The following CCDC171 variants were observed in gnomAD, a reference collection of about 807,000 sequenced individuals.
CCDC171 encodes coiled-coil domain-containing protein 171.
In CCDC171, 177 loss-of-function variants were observed where a neutral mutation model predicts 168.2. The ratio of observed to expected loss-of-function variants is 1.05; its 90% confidence interval spans 0.93 to 1.19. The LOEUF is 1.19. CCDC171 is among the 50% of genes most tolerant of loss of function. The probability of loss-of-function intolerance (pLI) is 0.00; values close to 1 mark genes in which losing one functional copy is unlikely to be tolerated. For synonymous variants in CCDC171, 687 were observed against 540.8 expected (o/e 1.27, Z -3.75); for missense variants, 1,991 against 1,539.0 (o/e 1.29, Z -4.91).
intron 23 of CCDC171, among the ~76,000 whole-genome samples, chr9:15,853,729 T>G (rs953683931): frequency 9.2e-5 from 14 of 151,544 alleles, no homozygotes; most frequent in Admixed American, 4.6e-4. Flanking sequence ...TAGCTGTGGG[T>G]TTTTTCATAG....
chr9:16,092,892 C>G, the CCDC171 span, among the ~76,000 whole-genome samples: 26 of 152,304 alleles, frequency 1.7e-4, no homozygotes, highest in African/African-American at 6.3e-4. Context: ...AGCAGAGCCT[C>G]GTGCCCGGCT....
chr9:15,707,003 G>T (rs1008009064), intron 11 of CCDC171, among the ~76,000 whole-genome samples: 2 of 152,098 alleles, frequency 1.3e-5, no homozygotes, highest in Non-Finnish European at 2.9e-5. Context: ...AAGGAATATT[G>T]CCTACACCTA....
At chr9:15,728,618 A>C (rs72706690) in intron 15 of CCDC171, among the ~76,000 whole-genome samples, 1 of 152,092 alleles carries the variant, frequency 6.6e-6, no homozygotes, top group Admixed American at 6.5e-5. Context: ...TAACATTACT[A>C]TCTCACAAGT....
intron 12 of CCDC171, among the ~76,000 whole-genome samples, chr9:15,722,862 C>T (rs190709777): frequency 1.3e-5 from 2 of 152,264 alleles, no homozygotes; most frequent in Admixed American, 6.5e-5. Context: ...CGAAGTCTTT[C>T]CCAGTGAGAC....
At chr9:15,669,700 T>C (rs1417091141) in intron 9 of CCDC171, among the ~76,000 whole-genome samples, 2 of 152,154 alleles carry the variant, frequency 1.3e-5, no homozygotes, top group Admixed American at 1.3e-4. Flanking sequence ...TCCTTAGGTA[T>C]AGTTGAAACA....
chr9:15,656,034 A>G (rs778774422), intron 7 of CCDC171, among the ~76,000 whole-genome samples: 1 of 152,180 alleles, frequency 6.6e-6, no homozygotes, highest in African/African-American at 2.4e-5. Flanking sequence ...ATAATATTCA[A>G]TATGGCTGGG....
intron 21 of CCDC171, among the ~76,000 whole-genome samples, chr9:15,828,924 G>A (rs951762416): frequency 6.6e-6 from 1 of 152,106 alleles, no homozygotes; most frequent in African/African-American, 2.4e-5. Context: ...TTCTTGACTG[G>A]CATTTGGAAG....
chr9:15,598,553 A>G (rs1277127348), intron 6 of CCDC171, among the ~76,000 whole-genome samples: 2 of 152,068 alleles, frequency 1.3e-5, no homozygotes, highest in Non-Finnish European at 2.9e-5. Flanking sequence ...TTTGCTGAGG[A>G]GTGCTTTACT....
intron 21 of CCDC171, among the ~76,000 whole-genome samples, chr9:15,837,151 C>T (rs562035367): frequency 6.6e-6 from 1 of 152,188 alleles, no homozygotes; most frequent in African/African-American, 2.4e-5. Flanking sequence ...GTGTATTATG[C>T]TGTTTGTTGT....
intron 21 of CCDC171, among the ~76,000 whole-genome samples, chr9:15,794,440 G>C (rs75145254): frequency 0.048 from 7,222 of 151,846 alleles, 701 homozygotes; most frequent in East Asian, 0.39. Context: ...ACTCCAGCTG[G>C]GTGACAGAGC....
intron 4 of CCDC171, among the ~76,000 whole-genome samples, chr9:15,590,604 G>A (rs1587204219): frequency 1.3e-5 from 2 of 152,270 alleles, no homozygotes; most frequent in Admixed American, 1.3e-4. Context: ...CAGTTCTAAG[G>A]GTTGGGGTAG....
chr9:15,563,293 C>G (rs571100419), intron 1 of CCDC171, among the ~76,000 whole-genome samples: 6 of 152,082 alleles, frequency 3.9e-5, no homozygotes, highest in African/African-American at 1.4e-4. Context: ...CATGTGCCAC[C>G]CCGCCTGGCT....
chr9:15,993,001 T>A lies in CCDC171; in HGVS notation n.369-27588T>A, dbSNP rs141950757. Among the ~76,000 whole-genome samples the A allele has an allele frequency of 6.3e-3, 961 of 152,292 alleles. 15 individuals carry two copies. The highest frequency in any genetic ancestry group is 0.021 in the African/African-American group (888 of 41,560). ...TCATGGATAGGAAGAATCAATATCA[T>A]GAAAATGGCCATACTTCCCAAGGTA... On this transcript the variant is annotated intron_variant and non_coding_transcript_variant, in intron 3 of 9. Transcript: ENST00000486641.
intron 24 of CCDC171, among the ~76,000 whole-genome samples, chr9:15,876,332 A>C (rs1817841665): frequency 6.6e-6 from 1 of 152,148 alleles, no homozygotes; most frequent in South Asian, 2.1e-4. Flanking sequence ...TAGTACCTAC[A>C]GTTTCAGCGA....
chr9:15,857,934 G>GAT (rs569030319), intron 23 of CCDC171, among the ~76,000 whole-genome samples: 134 of 151,164 alleles, frequency 8.9e-4, no homozygotes, highest in South Asian at 2.9e-3. Context: ...CTATAGTTTT[G>GAT]ATATATATAT....
intron 23 of CCDC171, among the ~76,000 whole-genome samples, chr9:15,868,854 C>G (rs888573670): frequency 2.0e-5 from 3 of 151,880 alleles, no homozygotes; most frequent in Non-Finnish European, 2.9e-5. Flanking sequence ...GTACGGTTGT[C>G]CCTTGGTTTC....
intron 22 of CCDC171, among the ~76,000 whole-genome samples, chr9:15,847,789 T>C (rs967879439): frequency 2.6e-5 from 4 of 151,998 alleles, no homozygotes; most frequent in Non-Finnish European, 4.4e-5. Flanking sequence ...GAATCCACAA[T>C]CTTAGGATAT....
the CCDC171 span, among the ~76,000 whole-genome samples, chr9:16,079,702 C>T: frequency 2.0e-5 from 3 of 152,196 alleles, no homozygotes; most frequent in Non-Finnish European, 4.4e-5. Context: ...TTCTATTGTT[C>T]AAGCCACTCA....
chr9:15,555,302 C>T (rs2038697150), intron 1 of CCDC171, among the ~76,000 whole-genome samples: 1 of 152,166 alleles, frequency 6.6e-6, no homozygotes, highest in Non-Finnish European at 1.5e-5. Flanking sequence ...AATACATTAA[C>T]ATAAAAAGCT....
Sources: gnomAD v4.1 joint callset for allele counts (sites outside exome capture counted in the v4.1 genomes callset) on GRCh38, gnomAD v4.1.1 for gene constraint, MANE v1.5 for transcripts, NCBI Gene and HGNC (gene_info 2026-07-23, HGNC 2026-07-21) for gene names.